Variants in EXOC6B observed in about 807,000 individuals in gnomAD.
EXOC6B encodes SEC15 homolog B.
EXOC6B carries 54 observed loss-of-function variants against 113.5 expected under a neutral mutation model. That is an observed-to-expected ratio of 0.48 (90% CI 0.38 to 0.60). The LOEUF (loss-of-function observed/expected upper bound fraction) is 0.60, where lower values mean the gene tolerates loss of function less well. EXOC6B is among the 20% of genes least tolerant of loss of function. EXOC6B has a pLI of 0.00. For synonymous variants in EXOC6B, 357 were observed against 339.0 expected, an observed-to-expected ratio of 1.05 and a Z score of -0.58; for missense variants, 797 against 977.5, an observed-to-expected ratio of 0.82 and a Z score of 2.46.
chr2:72,209,223 C>CAAAAAAAAAA (rs1170760516), intron 20 of EXOC6B, among the ~76,000 whole-genome samples: 106 of 56,862 alleles, frequency 1.9e-3, no homozygotes, highest in East Asian at 7.1e-3. Flanking sequence ...AACTCAGTCT[C>CAAAAAAAAAA]AAAAAAAAAA....
At chr2:72,408,662 T>C (rs1197007649) in intron 18 of EXOC6B, among the ~76,000 whole-genome samples, 3 of 152,194 alleles carry the variant, frequency 2.0e-5, no homozygotes, top group Admixed American at 2.0e-4. Flanking sequence ...TGGCTAGCCA[T>C]ATGTAGAAAG....
chr2:72,713,805 G>A (rs991376707), intron 6 of EXOC6B, among the ~76,000 whole-genome samples: 2 of 152,142 alleles, frequency 1.3e-5, no homozygotes, highest in African/African-American at 2.4e-5. Context: ...AGCAAGAGAC[G>A]TGGAAGATAT....
intron 19 of EXOC6B, among the ~76,000 whole-genome samples, chr2:72,377,948 T>C (rs548790107): frequency 5.5e-4 from 78 of 142,368 alleles, no homozygotes; most frequent in African/African-American, 2.2e-3. Context: ...ATGTACATGA[T>C]GAACATATAC....
intron 8 of EXOC6B, among the ~76,000 whole-genome samples, chr2:72,526,536 A>G (rs1306985884): frequency 1.3e-5 from 2 of 152,000 alleles, no homozygotes; most frequent in African/African-American, 4.8e-5. Context: ...TGCTACACAT[A>G]CACACACAAA....
chr2:72,771,273 T>G (rs1038915079), intron 1 of EXOC6B, among the ~76,000 whole-genome samples: 6 of 152,248 alleles, frequency 3.9e-5, no homozygotes, highest in Non-Finnish European at 8.8e-5. Flanking sequence ...AATTTCACAT[T>G]GCACAGAACT....
At chr2:72,633,172 A>T (rs557027481) in intron 6 of EXOC6B, among the ~76,000 whole-genome samples, 1 of 152,356 alleles carries the variant, frequency 6.6e-6, no homozygotes, top group South Asian at 2.1e-4. Context: ...GCAAGTTAAC[A>T]AAAAGTATTC....
At chr2:72,441,851 T>C (rs1696219618) in intron 18 of EXOC6B, among the ~76,000 whole-genome samples, 1 of 152,170 alleles carries the variant, frequency 6.6e-6, no homozygotes, top group East Asian at 1.9e-4. Flanking sequence ...CCATTCCTAC[T>C]GAAACTATTC....
At chr2:72,738,215 C>G (rs1466046380) in intron 2 of EXOC6B, among the ~76,000 whole-genome samples, 1 of 152,116 alleles carries the variant, frequency 6.6e-6, no homozygotes. Flanking sequence ...CTCTCATGTT[C>G]TCATGCATGT....
intron 20 of EXOC6B, among the ~76,000 whole-genome samples, chr2:72,260,543 C>A (rs551897997): frequency 6.6e-6 from 1 of 152,248 alleles, no homozygotes; most frequent in Non-Finnish European, 1.5e-5. Flanking sequence ...GGCCAATAAT[C>A]TAGACAGGAT....
intron 20 of EXOC6B, among the ~76,000 whole-genome samples, chr2:72,258,489 G>C (rs1048586216): frequency 3.4e-5 from 5 of 149,206 alleles, no homozygotes; most frequent in African/African-American, 1.2e-4. Flanking sequence ...TTAGCCTCCT[G>C]AGTAGCTGGG....
intron 18 of EXOC6B, among the ~76,000 whole-genome samples, chr2:72,451,433 G>A (rs769979919): frequency 6.6e-6 from 1 of 151,964 alleles, no homozygotes; most frequent in Non-Finnish European, 1.5e-5. Context: ...AAAACACATA[G>A]ACAAAAACAT....
At chr2:72,619,305 GTTGGGT>G (rs1671601209) in intron 6 of EXOC6B, among the ~76,000 whole-genome samples, 1 of 152,070 alleles carries the variant, frequency 6.6e-6, no homozygotes, top group South Asian at 2.1e-4. Flanking sequence ...AAAGAGTCGA[GTTGGGT>G]TTTCTTATAT....
chr2:72,392,082 A>T (rs578015573), intron 18 of EXOC6B, among the ~76,000 whole-genome samples: 1 of 152,274 alleles, frequency 6.6e-6, no homozygotes, highest in African/African-American at 2.4e-5. Flanking sequence ...TTGATTTATA[A>T]TTTAAAGGCT....
chr2:72,207,252 G>C (rs186227657), intron 20 of EXOC6B, among the ~76,000 whole-genome samples: 12 of 152,190 alleles, frequency 7.9e-5, no homozygotes, highest in African/African-American at 2.9e-4. Flanking sequence ...CCAATGTCTT[G>C]ATGAAAATAC....
intron 1 of EXOC6B, among the ~76,000 whole-genome samples, chr2:72,823,075 G>T (rs889236697): frequency 6.7e-6 from 1 of 149,888 alleles, no homozygotes; most frequent in African/African-American, 2.5e-5. Flanking sequence ...GACAAAGGCA[G>T]TGGGTACTCC....
At chr2:72,399,387 G>A (rs1392153754) in intron 18 of EXOC6B, among the ~76,000 whole-genome samples, 4 of 152,076 alleles carry the variant, frequency 2.6e-5, no homozygotes, top group African/African-American at 9.7e-5. Context: ...ATTCAACACA[G>A]TACTGGAAGT....
intron 6 of EXOC6B, among the ~76,000 whole-genome samples, chr2:72,653,116 T>C (rs1017235948): frequency 3.9e-5 from 6 of 151,986 alleles, no homozygotes; most frequent in Non-Finnish European, 7.4e-5. Context: ...TGTATGTTTA[T>C]TGCGGCTCTA....
At chr2:72,384,223 CAAT>C (rs1373503863) in intron 18 of EXOC6B, among the ~76,000 whole-genome samples, 2 of 151,844 alleles carry the variant, frequency 1.3e-5, no homozygotes, top group Non-Finnish European at 2.9e-5. Flanking sequence ...AGCTTTTCAA[CAAT>C]GAGAGTGGGA....
intron 1 of EXOC6B, among the ~76,000 whole-genome samples, chr2:72,807,969 G>A (rs542140056): frequency 1.3e-5 from 2 of 152,274 alleles, no homozygotes; most frequent in East Asian, 3.9e-4. Context: ...TGGATTGTCT[G>A]TAACACAAAG....
Sources: allele counts gnomAD v4.1 joint callset (sites outside exome capture counted in the v4.1 genomes callset), GRCh38; gene constraint gnomAD v4.1.1; transcripts MANE v1.5; gene names NCBI Gene and HGNC (gene_info 2026-07-23, HGNC 2026-07-21).